Variants in TBC1D23 observed in about 807,000 individuals in gnomAD.
The protein encoded by TBC1D23 is HCV non-structural protein 4A-transactivated protein 1.
A neutral mutation model predicts 91.4 loss-of-function variants in TBC1D23; 55 were observed. That is an observed-to-expected ratio of 0.60 (90% CI 0.48 to 0.75). TBC1D23 has a LOEUF of 0.75. Among genes scored for constraint, TBC1D23 ranks in the 30% least tolerant of loss-of-function variants. TBC1D23 has a pLI of 0.00. For missense variants in TBC1D23, 725 were observed against 836.1 expected, an observed-to-expected ratio of 0.87 and a Z score of 1.64; for synonymous variants, 289 against 281.0, an observed-to-expected ratio of 1.03 and a Z score of -0.28.
intron 1 of TBC1D23, among the ~76,000 whole-genome samples, chr3:100,268,980 A>G (rs538165443): frequency 1.3e-5 from 2 of 152,338 alleles, no homozygotes; most frequent in Non-Finnish European, 2.9e-5. Context: ...TTAGGCAACA[A>G]CTGAGTTTTT....
chr3:100,273,415 A>G (rs1164958777), intron 1 of TBC1D23, among the ~76,000 whole-genome samples: 1 of 152,232 alleles, frequency 6.6e-6, no homozygotes, highest in Non-Finnish European at 1.5e-5. Flanking sequence ...CAGACACAGT[A>G]ACAATCTGAT....
rs370841553 is a variant in TBC1D23 at position 100,263,957 on chromosome 3, C to T, written c.53+2886C>T. 3.3e-5 allele frequency among the ~76,000 whole-genome samples: 5 copies of T among 152,174 alleles called. No individual in the cohort carries two copies. In the East Asian group the frequency reaches 9.6e-4, roughly 29 times the overall value. Reference sequence around the variant, plus strand: ...TTTGTATTTTTGCTGGTTTCATTTTCATGAATGGAGGAACCCTAACATGGT... The same window carrying T: ...TTTGTATTTTTGCTGGTTTCATTTTTATGAATGGAGGAACCCTAACATGGT... On this transcript the variant is annotated intron_variant, in intron 1 of 18. Transcript: ENST00000394144.
intron 1 of TBC1D23, among the ~76,000 whole-genome samples, chr3:100,262,087 C>T (rs890349373): frequency 8.5e-5 from 13 of 152,190 alleles, no homozygotes; most frequent in African/African-American, 2.9e-4. Context: ...AGAAATTCAG[C>T]TCTCCATTAG....
chr3:100,317,997 G>A (rs1024474169), intron 16 of TBC1D23, among the ~76,000 whole-genome samples: 5 of 151,688 alleles, frequency 3.3e-5, no homozygotes, highest in African/African-American at 1.2e-4. Context: ...GAATACTACT[G>A]TATATTATTT....
chr3:100,308,621 T>G (rs1181767036), intron 13 of TBC1D23, among the ~76,000 whole-genome samples: 1 of 152,230 alleles, frequency 6.6e-6, no homozygotes, highest in African/African-American at 2.4e-5. Context: ...CATCAAACCC[T>G]TTTTAGTGAA....
intron 18 of TBC1D23, 101 bp from the exon 19 acceptor site, chr3:100,323,486 G>T (rs1333873606): frequency 2.1e-6 from 1 of 467,840 alleles, no homozygotes; most frequent in Non-Finnish European, 3.2e-6. Flanking sequence ...CCCATTGGAG[G>T]TGACCTATCA....
At chr3:100,284,496 G>A (rs1270448830) in intron 4 of TBC1D23, among the ~76,000 whole-genome samples, 1 of 152,124 alleles carries the variant, frequency 6.6e-6, no homozygotes, top group African/African-American at 2.4e-5. Context: ...AGAAATATAG[G>A]CATTGAACAA....
intron 1 of TBC1D23, among the ~76,000 whole-genome samples, chr3:100,277,388 T>C (rs2067656843): frequency 1.3e-5 from 2 of 152,260 alleles, no homozygotes; most frequent in African/African-American, 4.8e-5. Flanking sequence ...TAGCATTTTC[T>C]GGTCTTCAAA....
intron 1 of TBC1D23, among the ~76,000 whole-genome samples, chr3:100,262,660 G>T (rs2067521510): frequency 7.3e-6 from 1 of 136,210 alleles, no homozygotes; most frequent in South Asian, 2.4e-4. Context: ...GGGAGGCAGA[G>T]GTTGCAGTGA....
At chr3:100,296,894 T>C (rs1313218607) in intron 8 of TBC1D23, among the ~76,000 whole-genome samples, 6 of 151,380 alleles carry the variant, frequency 4.0e-5, no homozygotes, top group Admixed American at 4.0e-4. Context: ...ATTACAGTAG[T>C]AATCCAGTGG....
intron 16 of TBC1D23, among the ~76,000 whole-genome samples, chr3:100,317,046 C>T (rs954157564): frequency 7.4e-5 from 11 of 149,358 alleles, no homozygotes; most frequent in African/African-American, 2.7e-4. Flanking sequence ...CATGCTACTA[C>T]ATTCCAGCCT....
chr3:100,261,272 C>G (rs1266345861), intron 1 of TBC1D23: 2 of 590,616 alleles, frequency 3.4e-6, no homozygotes, highest in Admixed American at 6.1e-5. Flanking sequence ...GCGGGACTCC[C>G]AAGGAGAGGG....
At chr3:100,290,740 A>G (rs375859027) in intron 5 of TBC1D23, 39 bp downstream of exon 5, 30 of 1,509,950 alleles carry the variant, frequency 2.0e-5, no homozygotes, top group Non-Finnish European at 2.5e-5. Flanking sequence ...TGAAAAATAG[A>G]TTTATGTAAA....
intron 16 of TBC1D23, among the ~76,000 whole-genome samples, chr3:100,317,624 A>G (rs1705773466): frequency 6.6e-6 from 1 of 152,184 alleles, no homozygotes; most frequent in African/African-American, 2.4e-5. Context: ...GAAAACTTGC[A>G]GAGAGGTAAA....
At chr3:100,288,247 A>G (rs1301574170) in intron 4 of TBC1D23, among the ~76,000 whole-genome samples, 2 of 151,876 alleles carry the variant, frequency 1.3e-5, no homozygotes, top group Non-Finnish European at 2.9e-5. Context: ...CTGTCTAAAA[A>G]AAAAAAAAAT....
intron 1 of TBC1D23, among the ~76,000 whole-genome samples, chr3:100,262,559 T>C (rs1024022228): frequency 2.0e-5 from 3 of 151,880 alleles, no homozygotes; most frequent in Admixed American, 6.6e-5. Flanking sequence ...ACCCCGTCTC[T>C]ACTAAGAATA....
chr3:100,303,792 C>T (rs568631544), intron 11 of TBC1D23, among the ~76,000 whole-genome samples: 5 of 151,882 alleles, frequency 3.3e-5, no homozygotes, highest in East Asian at 1.9e-4. Context: ...AAAATAAAAA[C>T]GCTTCAGTAT....
intron 1 of TBC1D23, among the ~76,000 whole-genome samples, chr3:100,269,716 A>G (rs1221105851): frequency 6.6e-6 from 1 of 152,206 alleles, no homozygotes; most frequent in Non-Finnish European, 1.5e-5. Flanking sequence ...TTGTTATGGT[A>G]GTACTTTGTA....
chr3:100,313,111 T>TA (rs1353382422), intron 15 of TBC1D23, among the ~76,000 whole-genome samples: 1 of 152,116 alleles, frequency 6.6e-6, no homozygotes, highest in Admixed American at 6.5e-5. Context: ...ACAACGCCAA[T>TA]TACAGGACTT....
Sources: allele counts gnomAD v4.1 joint callset (sites outside exome capture counted in the v4.1 genomes callset), GRCh38; gene constraint gnomAD v4.1.1; transcripts MANE v1.5; gene names NCBI Gene and HGNC (gene_info 2026-07-23, HGNC 2026-07-21).